Variants in CPSF3 observed in about 807,000 individuals in gnomAD.
CPSF3 encodes cleavage and polyadenylation specific factor 3.
CPSF3 carries 57 observed loss-of-function variants against 84.1 expected under a neutral mutation model. The observed-to-expected ratio is 0.68, with a 90% CI of 0.55 to 0.85. The LOEUF is 0.85. Among genes scored for constraint, CPSF3 ranks in the 40% least tolerant of loss-of-function variants. The pLI is 0.00. For synonymous variants in CPSF3, 275 were observed against 278.1 expected (o/e 0.99, Z 0.11); for missense variants, 522 against 838.8 (o/e 0.62, Z 4.66).
intron 15 of CPSF3, among the ~76,000 whole-genome samples, chr2:9,461,293 G>C (rs1349340530): frequency 6.6e-6 from 1 of 152,204 alleles, no homozygotes; most frequent in East Asian, 1.9e-4. Flanking sequence ...AATGCCGCAA[G>C]ATTCTTACAT....
chr2:9,432,278 C>T (rs1176517824), intron 4 of CPSF3, among the ~76,000 whole-genome samples: 3 of 151,744 alleles, frequency 2.0e-5, no homozygotes, highest in Non-Finnish European at 4.4e-5. Context: ...GTACTTTGAG[C>T]TCAGTGTCTT....
chr2:9,432,749 A>C (rs1393627521), intron 5 of CPSF3, 61 bp downstream of exon 5: 69 of 1,319,770 alleles, frequency 5.2e-5, no homozygotes, highest in Non-Finnish European at 6.5e-5. Context: ...TTGTGCCACC[A>C]AGTACTATTA....
At chr2:9,456,817 T>C in intron 13 of CPSF3, 116 bp from the exon 14 acceptor site, 1 of 568,862 alleles carries the variant, frequency 1.8e-6, no homozygotes, top group Non-Finnish European at 3.0e-6. Context: ...ACAAATGAGT[T>C]ACTAACTTTT....
At chr2:9,456,605 C>CT (rs1681538846) in intron 13 of CPSF3, among the ~76,000 whole-genome samples, 2 of 152,208 alleles carry the variant, frequency 1.3e-5, no homozygotes, top group Non-Finnish European at 2.9e-5. Flanking sequence ...TAGCTGGCAA[C>CT]AATTGACAAA....
At chr2:9,434,086 T>A in intron 6 of CPSF3, 126 bp downstream of exon 6, 1 of 600,860 alleles carries the variant, frequency 1.7e-6, no homozygotes, top group South Asian at 2.4e-5. Flanking sequence ...TTTTAAAATA[T>A]AAGAAAACTG....
intron 9 of CPSF3, 96 bp downstream of exon 9, chr2:9,442,072 TAATAC>T: frequency 6.4e-6 from 8 of 1,259,400 alleles, no homozygotes; most frequent in Non-Finnish European, 9.0e-6. Flanking sequence ...GTTCTTCAAA[TAATAC>T]AAGTTTTGAT....
chr2:9,460,322 G>A (rs757889718), intron 15 of CPSF3, among the ~76,000 whole-genome samples: 2 of 152,080 alleles, frequency 1.3e-5, no homozygotes, highest in African/African-American at 2.4e-5. Flanking sequence ...CCAGCTACTC[G>A]GGAGGCTGAG....
At position 9,455,705 on chromosome 2, in the gene CPSF3, T is replaced by C. The variant is rs779327916; in HGVS notation, c.1551T>C (p.Ile517=). 5 of 1,614,044 alleles carry C rather than the reference T, an allele frequency of 3.1e-6. No homozygotes were observed. In the African/African-American group the frequency reaches 6.7e-5, roughly 22 times the overall value. Residue 517 remains isoleucine, a synonymous_variant, in exon 13 of 18, where the codon ATT becomes ATC. Coordinates refer to ENST00000238112, the MANE Select transcript of CPSF3 (RefSeq NM_016207.4). ...GCACGGTGAAGCAGACCCAAGCCAT[T>C]CCATATACTGGTCCCTTTAATTTGC... The part of the protein sequence containing the change: ...AMSTVKQTQA[I]PYTGPFNLLC...
At chr2:9,441,704 G>A (rs1202771388) in intron 8 of CPSF3, 114 bp from the exon 9 acceptor site, 28 of 1,023,786 alleles carry the variant, frequency 2.7e-5, no homozygotes, top group Non-Finnish European at 3.7e-5. Context: ...TCTTGTGAAG[G>A]CTCTTTCAGT....
chr2:9,446,726 CA>C (rs1681140166), intron 10 of CPSF3, among the ~76,000 whole-genome samples: 1 of 151,934 alleles, frequency 6.6e-6, no homozygotes, highest in South Asian at 2.1e-4. Context: ...CACTGCACTC[CA>C]GCCTGGGTGG....
At chr2:9,434,384 T>G (rs1399617916) in intron 6 of CPSF3, among the ~76,000 whole-genome samples, 1 of 151,434 alleles carries the variant, frequency 6.6e-6, no homozygotes, top group African/African-American at 2.4e-5. Context: ...AAAAAAAAAT[T>G]GGGGCAGGTG....
chr2:9,436,378 G>A lies in CPSF3; in HGVS notation c.760+17G>A, dbSNP rs759599307. ...TGATTCTAGGTATGCCATTTCCTTTGTATTTAGGCGATGATCAAAATCTTG... is the reference window on the plus strand; with the variant it reads ...TGATTCTAGGTATGCCATTTCCTTTATATTTAGGCGATGATCAAAATCTTG... On this transcript the variant is annotated intron_variant, in intron 7 of 17. Coordinates refer to ENST00000238112, the MANE Select transcript of CPSF3 (RefSeq NM_016207.4). 5.7e-6 allele frequency: 9 copies of A among 1,583,570 alleles called. No homozygotes were observed. The highest frequency in any genetic ancestry group is 4.1e-5 in the African/African-American group (3 of 73,242).
At chr2:9,461,337 G>A (rs1323341208) in intron 15 of CPSF3, among the ~76,000 whole-genome samples, 1 of 152,096 alleles carries the variant, frequency 6.6e-6, no homozygotes, top group African/African-American at 2.4e-5. Flanking sequence ...TCCTGGGGTA[G>A]AAACATATTG....
At chr2:9,468,373 C>T (rs1423809874) in intron 16 of CPSF3, among the ~76,000 whole-genome samples, 3 of 152,016 alleles carry the variant, frequency 2.0e-5, no homozygotes, top group Non-Finnish European at 2.9e-5. Context: ...ATCACAGGCT[C>T]GCAACACCAT....
In CPSF3 at chr2:9,436,206, T is replaced by C. The variant is rs888542115; in HGVS notation, c.610-5T>C. ...TTAGTCTCACACTTCTAATGTATTA[T>C]TTAGGAATCTACTTATGGGACCCAT... On this transcript the variant is annotated splice_region_variant and splice_polypyrimidine_tract_variant and intron_variant, in intron 6 of 17. Transcript: ENST00000238112. The C allele has an allele frequency of 6.3e-7, 1 of 1,587,068 alleles. No individual in the cohort carries two copies. Among genetic ancestry groups the C allele is most frequent in the Admixed American group, 1.8e-5 (1 of 54,198 alleles).
chr2:9,463,719 T>C lies in CPSF3; in HGVS notation c.1787-3988T>C, dbSNP rs78843061. Among the ~76,000 whole-genome samples the C allele has an allele frequency of 3.9e-3, 597 of 152,308 alleles. 4 individuals are homozygous for C. Among genetic ancestry groups the C allele is most frequent in the African/African-American group, 0.014 (570 of 41,562 alleles). On this transcript the variant is annotated intron_variant, in intron 15 of 17. Transcript: ENST00000238112. ...GACTTCTTCCTATCCAAACTTGGGATTTTCACATTTAGAGCAGAGTCAGCG... is the reference window on the plus strand; with the variant it reads ...GACTTCTTCCTATCCAAACTTGGGACTTTCACATTTAGAGCAGAGTCAGCG...
chr2:9,443,490 T>C, intron 9 of CPSF3, 25 bp from the exon 10 acceptor site: 3 of 1,593,746 alleles, frequency 1.9e-6, no homozygotes, highest in Non-Finnish European at 2.6e-6. Flanking sequence ...TAGTTTGTTT[T>C]GTTATTTTTC....
At chr2:9,447,585 C>G (rs575604062) in intron 10 of CPSF3, among the ~76,000 whole-genome samples, 1 of 151,878 alleles carries the variant, frequency 6.6e-6, no homozygotes, top group East Asian at 1.9e-4. Flanking sequence ...ACCAGCCTGA[C>G]CAACATGGTA....
chr2:9,457,856 G>A (rs1681585552), intron 14 of CPSF3, among the ~76,000 whole-genome samples: 1 of 151,960 alleles, frequency 6.6e-6, no homozygotes, highest in South Asian at 2.1e-4. Flanking sequence ...AGGTTCAAAC[G>A]ATTCTTCTGC....
Sources: gnomAD v4.1 joint callset for allele counts (sites outside exome capture counted in the v4.1 genomes callset) on GRCh38, gnomAD v4.1.1 for gene constraint, MANE v1.5 for transcripts, NCBI Gene and HGNC (gene_info 2026-07-23, HGNC 2026-07-21) for gene names.